Variants in TTC28 observed in about 807,000 individuals in gnomAD.
TTC28 encodes tetratricopeptide repeat protein 28.
A neutral mutation model predicts 198.0 loss-of-function variants in TTC28; 61 were observed. The observed-to-expected ratio is 0.31, with a 90% CI of 0.25 to 0.38. The LOEUF (loss-of-function observed/expected upper bound fraction) is 0.38. Among genes scored for constraint, TTC28 ranks in the 10% least tolerant of loss-of-function variants. The probability of loss-of-function intolerance (pLI) is 1.00; values close to 1 mark genes in which losing one functional copy is unlikely to be tolerated. For synonymous variants in TTC28, 1,171 were observed against 1,297.8 expected, an observed-to-expected ratio of 0.90 and a Z score of 2.10; for missense variants, 2,678 against 3,164.0, an observed-to-expected ratio of 0.85 and a Z score of 3.69.
chr22:27,992,909 A>G, intron 18 of TTC28: 1 of 560,534 alleles, frequency 1.8e-6, no homozygotes. Context: ...CACTCCCAGG[A>G]CCCAGGCAGC....
intron 6 of TTC28, among the ~76,000 whole-genome samples, chr22:28,143,658 A>G (rs1258761449): frequency 6.6e-6 from 1 of 152,238 alleles, no homozygotes; most frequent in Non-Finnish European, 1.5e-5. Context: ...AGATGGACTA[A>G]AAGTCAGGCA....
At chr22:28,240,420 T>A (rs908423787) in intron 5 of TTC28, among the ~76,000 whole-genome samples, 1 of 152,148 alleles carries the variant, frequency 6.6e-6, no homozygotes, top group Non-Finnish European at 1.5e-5. Context: ...TTTTTAAAAA[T>A]ATAATACAGA....
rs1183774542 is a variant in TTC28, at chr22:28,386,086, CT to C, written c.382-79444del. The stretch of plus-strand genomic sequence containing the variant: ...GGTCAGGAGATCGAGACCATCCCGG[CT>C]AAAACGGTGAAACCCCGTCTCTACT... On this transcript the variant is annotated intron_variant, in intron 2 of 22. Coordinates refer to ENST00000397906, the MANE Select transcript of TTC28 (RefSeq NM_001145418.2). Among the ~76,000 whole-genome samples the C allele has an allele frequency of 2.0e-5, 3 of 151,222 alleles. No homozygotes were observed. The East Asian group carries it at 5.9e-4, about 30-fold the overall frequency.
intron 6 of TTC28, among the ~76,000 whole-genome samples, chr22:28,130,416 T>C (rs1424725013): frequency 6.6e-6 from 1 of 152,230 alleles, no homozygotes; most frequent in Non-Finnish European, 1.5e-5. Context: ...CCTAGTTGTA[T>C]CTTCATAATG....
chr22:27,996,763 G>A (rs538333626), intron 16 of TTC28, among the ~76,000 whole-genome samples: 2 of 152,126 alleles, frequency 1.3e-5, no homozygotes, highest in African/African-American at 4.8e-5. Context: ...ACTCCCTTCC[G>A]AAACAGGGCC....
At chr22:28,209,540 T>TG (rs1926721458) in intron 5 of TTC28, among the ~76,000 whole-genome samples, 1 of 152,180 alleles carries the variant, frequency 6.6e-6, no homozygotes. Flanking sequence ...CACTCACTGC[T>TG]AGCACAGCAG....
chr22:28,263,008 C>A (rs1931428711), intron 5 of TTC28, among the ~76,000 whole-genome samples: 1 of 152,048 alleles, frequency 6.6e-6, no homozygotes, highest in Non-Finnish European at 1.5e-5. Context: ...CAAGAGGAGA[C>A]CAAGCAAGCC....
intron 5 of TTC28, among the ~76,000 whole-genome samples, chr22:28,193,144 T>TAAAG (rs1925025136): frequency 6.6e-6 from 1 of 151,302 alleles, no homozygotes. Context: ...TCAATATTCT[T>TAAAG]AAAAGAATTT....
chr22:28,074,778 C>A (rs1941114396), intron 12 of TTC28, among the ~76,000 whole-genome samples: 1 of 152,216 alleles, frequency 6.6e-6, no homozygotes, highest in African/African-American at 2.4e-5. Context: ...TAACTCACAC[C>A]TAGCAATTTC....
rs543959631 is a variant in TTC28, at chr22:28,252,179, A to G, written c.933+44019T>C. Among the ~76,000 whole-genome samples, 7 of 152,314 alleles carry G rather than the reference A, an allele frequency of 4.6e-5. No homozygotes were observed. The South Asian group carries it at 1.2e-3, about 27-fold the overall frequency. ...ATAGGGCAATTCCAACAGATTTTCA[A>G]CAGCTCCTTTCCTATTATCCAGGAG... is the stretch of plus-strand genomic sequence containing the variant. On this transcript the variant is annotated intron_variant, in intron 5 of 22. Transcript: ENST00000397906.
At chr22:28,240,273 A>C (rs1157652642) in intron 5 of TTC28, among the ~76,000 whole-genome samples, 2 of 152,226 alleles carry the variant, frequency 1.3e-5, no homozygotes, top group African/African-American at 2.4e-5. Context: ...GATAATATAC[A>C]GAGAATAACA....
chr22:28,245,335 A>G (rs73168135), intron 5 of TTC28, among the ~76,000 whole-genome samples: 1 of 152,314 alleles, frequency 6.6e-6, no homozygotes, highest in Non-Finnish European at 1.5e-5. Context: ...AGCTCCTATT[A>G]TTAACAATTA....
rs74607379 is a variant in TTC28, at chr22:28,402,400, T to C, written c.382-95757A>G. Among the ~76,000 whole-genome samples the C allele has an allele frequency of 4.8e-3, 729 of 152,330 alleles. 3 individuals are homozygous for C. The highest frequency in any genetic ancestry group is 0.017 in the African/African-American group (704 of 41,582). ...TGGCACATGCAATAAATAAGACCTA[T>C]TAACACTTTTCTTTACCTAAAATCA... On this transcript the variant is annotated intron_variant, in intron 2 of 22. Coordinates refer to ENST00000397906, the MANE Select transcript of TTC28 (RefSeq NM_001145418.2).
intron 2 of TTC28, among the ~76,000 whole-genome samples, chr22:28,335,680 A>G (rs1049884094): frequency 2.0e-5 from 3 of 152,174 alleles, no homozygotes; most frequent in Non-Finnish European, 4.4e-5. Context: ...ATTTTTGCAC[A>G]TTGATTTTGT....
chr22:28,558,600 C>T lies in TTC28; in HGVS notation c.381+70952G>A, dbSNP rs185331724. On this transcript the variant is annotated intron_variant, in intron 2 of 22. Transcript: ENST00000397906. ...TGAGGCAGGAGAATCGCTTGAACCCCGGAGGCGGAGGTTGCAGTGAGCTGA... is the reference window on the plus strand; with the variant it reads ...TGAGGCAGGAGAATCGCTTGAACCCTGGAGGCGGAGGTTGCAGTGAGCTGA... Among the ~76,000 whole-genome samples, 801 of 151,810 alleles carry T rather than the reference C, an allele frequency of 5.3e-3. 3 individuals are homozygous for T. The highest frequency in any genetic ancestry group is 7.7e-3 in the Non-Finnish European group (523 of 67,936).
chr22:28,216,346 G>C (rs556059498), intron 5 of TTC28, among the ~76,000 whole-genome samples: 2 of 152,290 alleles, frequency 1.3e-5, no homozygotes, highest in African/African-American at 4.8e-5. Context: ...TGCAAAGAAA[G>C]TAAGAAAAGC....
intron 12 of TTC28, among the ~76,000 whole-genome samples, chr22:28,046,029 A>G (rs750954009): frequency 8.5e-5 from 13 of 152,256 alleles, no homozygotes; most frequent in Non-Finnish European, 1.3e-4. Flanking sequence ...AGGCAAGAGC[A>G]TACATGAAAG....
intron 2 of TTC28, among the ~76,000 whole-genome samples, chr22:28,349,344 G>A (rs1218829554): frequency 2.0e-5 from 3 of 152,178 alleles, no homozygotes; most frequent in Non-Finnish European, 1.5e-5. Flanking sequence ...CACTTTAAAT[G>A]TCATAAGTTT....
intron 2 of TTC28, among the ~76,000 whole-genome samples, chr22:28,482,079 T>C (rs2048254145): frequency 1.3e-5 from 2 of 152,174 alleles, no homozygotes; most frequent in South Asian, 4.1e-4. Flanking sequence ...TTTCTAAGTG[T>C]GTTCCGTGTC....
Sources: allele counts gnomAD v4.1 joint callset (sites outside exome capture counted in the v4.1 genomes callset), GRCh38; gene constraint gnomAD v4.1.1; transcripts MANE v1.5; gene names NCBI Gene and HGNC (gene_info 2026-07-23, HGNC 2026-07-21).